The following IGFBPL1 variants were observed in gnomAD, a reference collection of about 807,000 sequenced individuals.
The protein encoded by IGFBPL1 is insulin-like growth factor-binding protein-like 1.
A neutral mutation model predicts 23.9 loss-of-function variants in IGFBPL1; 20 were observed. That is an observed-to-expected ratio of 0.84 (90% CI 0.59 to 1.22). IGFBPL1 has a LOEUF of 1.22. Among genes scored for constraint, IGFBPL1 ranks in the 50% most tolerant of loss-of-function variants. The pLI is 0.00. For missense variants in IGFBPL1, 436 were observed against 379.3 expected (o/e 1.15, Z -1.24); for synonymous variants, 184 against 171.8 (o/e 1.07, Z -0.56).
intron 3 of IGFBPL1, 75 bp downstream of exon 3, chr9:38,413,162 T>A: frequency 1.0e-6 from 1 of 995,556 alleles, no homozygotes; most frequent in East Asian, 2.4e-5. Context: ...CTTTGAAACA[T>A]GTAATGTGTT....
chr9:38,420,762 A>G (rs1234795769), intron 1 of IGFBPL1, among the ~76,000 whole-genome samples: 1 of 152,112 alleles, frequency 6.6e-6, no homozygotes, highest in Non-Finnish European at 1.5e-5. Context: ...GCGTGAACCC[A>G]GGAGGTGGAG....
In IGFBPL1 at chr9:38,424,108, C is replaced by G; in HGVS notation, c.317G>C (p.Cys106Ser). 1 of 1,350,428 alleles carries G rather than the reference C, an allele frequency of 7.4e-7. No homozygotes were observed. Among genetic ancestry groups the G allele is most frequent in the Non-Finnish European group, 9.5e-7 (1 of 1,052,634 alleles). 83.7% of individuals were successfully genotyped at this position (1,350,428 alleles called of 1,614,324 possible). The stretch of plus-strand genomic sequence containing the variant: ...GACGGTGCCGCGCTGCGCGCACACG[C>G]AGAGCCCGGTGCCCTCGGGCGCTGC... Reference protein sequence around the residue: ...AGAAPEGTGLCVCAQRGTVCG... With the variant: ...AGAAPEGTGLSVCAQRGTVCG... The change falls in exon 1 of 5, where the codon TGC becomes TCC. Residue 106 changes from cysteine to serine, a missense_variant. By Grantham distance (112) the Cys-to-Ser change is moderately radical. Transcript: ENST00000377694.
chr9:38,424,072 T>C lies in IGFBPL1; in HGVS notation c.353A>G (p.Asp118Gly). The stretch of plus-strand genomic sequence containing the variant: ...GCAGACGCTGGGGTACGAGCGACCG[T>C]CGGAGCCGCAGACGGTGCCGCGCTG... ...CAQRGTVCGS[D>G]GRSYPSVCAL... is the part of the protein sequence containing the mutation. Residue 118 changes from aspartate to glycine, a missense_variant, in exon 1 of 5, where the codon GAC becomes GGC. Transcript: ENST00000377694. The C allele has an allele frequency of 2.1e-6, 3 of 1,396,708 alleles. No individual in the cohort carries two copies. Among genetic ancestry groups the C allele is most frequent in the South Asian group, 3.1e-5 (2 of 64,068 alleles). The allele number at this position is 1,396,708 out of a possible 1,614,324, so 86.5% of individuals were successfully genotyped here. A position where few individuals can be genotyped will look rare whatever the true frequency, so the allele number is the denominator to read the frequency against.
chr9:38,417,153 C>T (rs901631637), intron 1 of IGFBPL1, among the ~76,000 whole-genome samples: 3 of 152,156 alleles, frequency 2.0e-5, no homozygotes, highest in Admixed American at 6.5e-5. Flanking sequence ...ACTTGTTTAT[C>T]TCTCCAGCAA....
At chr9:38,411,296 A>C in intron 4 of IGFBPL1, 95 bp downstream of exon 4, 1 of 1,065,790 alleles carries the variant, frequency 9.4e-7, no homozygotes, top group Non-Finnish European at 1.4e-6. Flanking sequence ...TCCTCCATTT[A>C]CGTATTTTTC....
intron 1 of IGFBPL1, among the ~76,000 whole-genome samples, chr9:38,418,676 T>C (rs1821632371): frequency 6.6e-6 from 1 of 152,208 alleles, no homozygotes; most frequent in East Asian, 1.9e-4. Flanking sequence ...GGATGGCTTC[T>C]AGCTAGCCCA....
At position 38,413,307 on chromosome 9, in the gene IGFBPL1, C is replaced by G; in HGVS notation, c.617G>C (p.Gly206Ala). The change falls in exon 3 of 5, where the codon GGG (glycine) becomes GCG (alanine). Residue 206 changes from glycine to alanine, a missense_variant. Physicochemically the swap from Gly to Ala is moderately conservative, Grantham distance 60. Coordinates refer to ENST00000377694, the MANE Select transcript of IGFBPL1 (RefSeq NM_001007563.3). ...EGTQALEELP[G>A]DHVNIAVQVR... is the part of the protein sequence containing the mutation. ...TTGGACAGCTATATTGACATGGTCC[C>G]CAGGCAGCTCCTCCAGTGCTTGGGT... 4 of 1,614,052 alleles carry G rather than the reference C, an allele frequency of 2.5e-6. No individual in the cohort carries two copies. Among genetic ancestry groups the G allele is most frequent in the Non-Finnish European group, 3.4e-6 (4 of 1,179,978 alleles).
chr9:38,410,258 G>A (rs1393229524), intron 4 of IGFBPL1, among the ~76,000 whole-genome samples: 1 of 152,110 alleles, frequency 6.6e-6, no homozygotes, highest in African/African-American at 2.4e-5. Context: ...CAAGGCGGGC[G>A]GATCATGAAG....
chr9:38,416,862 T>G (rs1821606569), intron 1 of IGFBPL1, among the ~76,000 whole-genome samples: 1 of 151,938 alleles, frequency 6.6e-6, no homozygotes. Context: ...TTTTTTTTTT[T>G]GTAGAGATGG....
rs1821446866 is a variant in IGFBPL1 at position 38,407,692 on chromosome 9, C to T, written c.*1535G>A. Among the ~76,000 whole-genome samples, 1 of 152,210 alleles carries T rather than the reference C, an allele frequency of 6.6e-6. No homozygotes were observed. Among genetic ancestry groups the T allele is most frequent in the South Asian group, 2.1e-4 (1 of 4,830 alleles). ...AGAGGGGACCAAGGAGGGCCAGGTGCCCTGAGCTCTGCTCCTCTTTCAGAG... is the reference window on the plus strand; with the variant it reads ...AGAGGGGACCAAGGAGGGCCAGGTGTCCTGAGCTCTGCTCCTCTTTCAGAG... On this transcript the variant is annotated 3_prime_UTR_variant, in exon 5 of 5. Coordinates refer to ENST00000377694, the MANE Select transcript of IGFBPL1 (RefSeq NM_001007563.3).
chr9:38,420,154 G>A (rs1821659502), intron 1 of IGFBPL1, among the ~76,000 whole-genome samples: 1 of 152,264 alleles, frequency 6.6e-6, no homozygotes, highest in African/African-American at 2.4e-5. Context: ...GCCTCCCAAA[G>A]TGCAGAATGA....
In IGFBPL1 at chr9:38,407,639, G is replaced by A. The variant is rs1238446969; in HGVS notation, c.*1588C>T. ...ATCTGCCTTTACATAGTTTTGAGAT[G>A]ACCCTGAGTAGCAGCACCGTGGAGT... On this transcript the variant is annotated 3_prime_UTR_variant, in exon 5 of 5. Transcript: ENST00000377694. Among the ~76,000 whole-genome samples the A allele has an allele frequency of 6.6e-6, 1 of 152,174 alleles. No individual in the cohort carries two copies. The highest frequency in any genetic ancestry group is 1.5e-5 in the Non-Finnish European group (1 of 68,042).
intron 1 of IGFBPL1, among the ~76,000 whole-genome samples, chr9:38,421,885 AC>A (rs766567670): frequency 9.2e-5 from 14 of 152,228 alleles, no homozygotes; most frequent in South Asian, 2.1e-4. Flanking sequence ...GAAGGGCTGA[AC>A]CCCGGGGAGG....
intron 1 of IGFBPL1, among the ~76,000 whole-genome samples, chr9:38,415,098 A>G (rs1322938800): frequency 6.6e-6 from 1 of 152,190 alleles, no homozygotes; most frequent in Admixed American, 6.5e-5. Flanking sequence ...GAATGCTCCC[A>G]CCCAGCTGTC....
At chr9:38,409,696 T>C (rs1403207131) in intron 4 of IGFBPL1, among the ~76,000 whole-genome samples, 1 of 152,230 alleles carries the variant, frequency 6.6e-6, no homozygotes, top group African/African-American at 2.4e-5. Context: ...AACATATCTA[T>C]ATAAAACAAG....
intron 4 of IGFBPL1, among the ~76,000 whole-genome samples, chr9:38,410,573 C>G (rs1012879746): frequency 6.6e-5 from 10 of 152,100 alleles, no homozygotes; most frequent in Admixed American, 2.6e-4. Context: ...TGTGTGCAGC[C>G]TGGCCACAGA....
chr9:38,409,929 C>T (rs1821487276), intron 4 of IGFBPL1, among the ~76,000 whole-genome samples: 1 of 152,170 alleles, frequency 6.6e-6, no homozygotes, highest in South Asian at 2.1e-4. Context: ...CTCCCATTCC[C>T]TTACATCGCA....
At chr9:38,414,749 G>A (rs1821568909) in intron 1 of IGFBPL1, among the ~76,000 whole-genome samples, 1 of 152,084 alleles carries the variant, frequency 6.6e-6, no homozygotes, top group South Asian at 2.1e-4. Context: ...GACTCCCCAG[G>A]GCTCCCCCAC....
rs1211381327 is a variant in IGFBPL1 at position 38,408,187 on chromosome 9, G to A, written c.*1040C>T. ...CCAGCACTTTGGGAGGCCAAGGCAG[G>A]AGGATCATTTGAGCATAGGAATTTG... On this transcript the variant is annotated 3_prime_UTR_variant, in exon 5 of 5. Coordinates refer to ENST00000377694, the MANE Select transcript of IGFBPL1 (RefSeq NM_001007563.3). 3.5e-5 allele frequency among the ~76,000 whole-genome samples: 5 copies of A among 144,208 alleles called. No homozygotes were observed. The highest frequency in any genetic ancestry group is 7.2e-5 in the Admixed American group (1 of 13,906). The allele number at this position is 144,208 out of a possible 152,430, so 94.6% of individuals were successfully genotyped here.
Sources: gnomAD v4.1 joint callset for allele counts (sites outside exome capture counted in the v4.1 genomes callset) on GRCh38, gnomAD v4.1.1 for gene constraint, MANE v1.5 for transcripts, NCBI Gene and HGNC (gene_info 2026-07-23, HGNC 2026-07-21) for gene names.